FKBP10: variants seen among roughly 807,000 people sequenced by gnomAD.
FKBP10 encodes peptidyl-prolyl cis-trans isomerase FKBP10.
A neutral mutation model predicts 53.7 loss-of-function variants in FKBP10; 34 were observed. The observed-to-expected ratio is 0.63, with a 90% CI of 0.48 to 0.84. The LOEUF (loss-of-function observed/expected upper bound fraction) is 0.84. Among genes scored for constraint, FKBP10 ranks in the 40% least tolerant of loss-of-function variants. FKBP10 has a pLI of 0.00. For missense variants in FKBP10, 748 were observed against 797.8 expected (o/e 0.94, Z 0.75); for synonymous variants, 324 against 335.7 (o/e 0.97, Z 0.38).
In FKBP10 at chr17:41,813,077, C is replaced by T; in HGVS notation, c.43C>T (p.Pro15Ser). 6.2e-7 allele frequency: 1 copy of T among 1,610,718 alleles called. No individual in the cohort carries two copies. The highest frequency in any genetic ancestry group is 1.1e-5 in the South Asian group (1 of 91,010). The part of the protein sequence containing the change: ...GPPSHSLLRL[P>S]LLQLLLLVVQ... ...CCCCAGCCACAGCCTCCTCCGGCTC[C>T]CCCTGCTGCAGTTGCTGCTACTGGT... The change falls in exon 1 of 10, where the codon CCC becomes TCC. Residue 15 changes from proline to serine, a missense_variant. Coordinates refer to ENST00000321562, the MANE Select transcript of FKBP10 (RefSeq NM_021939.4).
chr17:41,813,099 T>G lies in FKBP10; in HGVS notation c.65T>G (p.Leu22Arg). 1 of 1,611,064 alleles carries G rather than the reference T, an allele frequency of 6.2e-7. No individual in the cohort carries two copies. Among genetic ancestry groups the G allele is most frequent in the East Asian group, 2.2e-5 (1 of 44,858 alleles). The change falls in exon 1 of 10, where the codon CTG (leucine) becomes CGG (arginine). Residue 22 changes from leucine to arginine, a missense_variant. Transcript: ENST00000321562. ...LRLPLLQLLLLVVQAVGRGLG... is the reference protein window; with the variant it reads ...LRLPLLQLLLRVVQAVGRGLG... The stretch of plus-strand genomic sequence containing the variant: ...CTCCCCCTGCTGCAGTTGCTGCTAC[T>G]GGTGGTGCAGGCCGTGGGGAGGGGG...
intron 1 of FKBP10, among the ~76,000 whole-genome samples, chr17:41,816,801 C>A (rs1234717738): frequency 6.6e-6 from 1 of 152,224 alleles, no homozygotes; most frequent in Non-Finnish European, 1.5e-5. Context: ...CACCCAACCC[C>A]GTCCCAGGGC....
At chr17:41,815,521 AG>A (rs762185983) in intron 1 of FKBP10, among the ~76,000 whole-genome samples, 1 of 150,544 alleles carries the variant, frequency 6.6e-6, no homozygotes, top group Non-Finnish European at 1.5e-5. Flanking sequence ...GCTGGAGTGC[AG>A]TAGCGCGATC....
At chr17:41,816,750 TGCTGTCA>T (rs1265319005) in intron 1 of FKBP10, among the ~76,000 whole-genome samples, 1 of 152,202 alleles carries the variant, frequency 6.6e-6, no homozygotes, top group Non-Finnish European at 1.5e-5. Context: ...ACTCCCCACT[TGCTGTCA>T]GCAAATAGTA....
chr17:41,815,124 G>T (rs966082780), intron 1 of FKBP10, among the ~76,000 whole-genome samples: 7 of 152,004 alleles, frequency 4.6e-5, no homozygotes, highest in African/African-American at 1.4e-4. Context: ...TCACTATGTT[G>T]GCCAGACTGG....
At chr17:41,815,906 C>T (rs2047809782) in intron 1 of FKBP10, among the ~76,000 whole-genome samples, 1 of 151,654 alleles carries the variant, frequency 6.6e-6, no homozygotes, top group African/African-American at 2.4e-5. Context: ...TTGGGAGGCC[C>T]AGGCAGGCAG....
intron 5 of FKBP10, 50 bp from the exon 6 acceptor site, chr17:41,819,480 G>T (rs908558817): frequency 6.8e-6 from 11 of 1,613,980 alleles, no homozygotes; most frequent in Non-Finnish European, 9.3e-6. Flanking sequence ...CTGCCTGGAA[G>T]GGGAGGGCCC....
intron 1 of FKBP10, 99 bp downstream of exon 1, chr17:41,813,378 T>G: frequency 6.5e-7 from 1 of 1,528,252 alleles, no homozygotes; most frequent in Non-Finnish European, 9.0e-7. Flanking sequence ...CCCAATACTC[T>G]AACCCTAGAC....
chr17:41,819,977 C>G (rs1555616756), intron 6 of FKBP10: 4 of 1,525,352 alleles, frequency 2.6e-6, no homozygotes, highest in African/African-American at 2.8e-5. Context: ...TGCTGGGAGC[C>G]TCAGTGTCCT....
At chr17:41,821,624 C>T (rs2047892145) in intron 8 of FKBP10, 30 bp from the exon 9 acceptor site, 2 of 1,612,564 alleles carry the variant, frequency 1.2e-6, no homozygotes, top group African/African-American at 2.7e-5. Context: ...CTGACTAGGA[C>T]CCCTCCCTTC....
chr17:41,821,959 T>C, intron 9 of FKBP10, 142 bp downstream of exon 9: 1 of 1,075,748 alleles, frequency 9.3e-7, no homozygotes, highest in Non-Finnish European at 1.4e-6. Flanking sequence ...TCAGGCTCCT[T>C]GTCCCTGCTT....
At chr17:41,818,641 G>A in intron 4 of FKBP10, 114 bp downstream of exon 4, 1 of 1,410,894 alleles carries the variant, frequency 7.1e-7, no homozygotes, top group Non-Finnish European at 9.8e-7. Flanking sequence ...AAGGACTCAA[G>A]GTGGGATGAA....
In FKBP10 at chr17:41,819,302, G is replaced by A. The variant is rs1688953937; in HGVS notation, c.820G>A (p.Glu274Lys). ...GGACGCTGTCCAGCTAGAGACGCTGGAGCTCCCCCCCGGCTGTGTCCGCAG... is the reference window on the plus strand; with the variant it reads ...GGACGCTGTCCAGCTAGAGACGCTGAAGCTCCCCCCCGGCTGTGTCCGCAG... ...PKDAVQLETL[E>K]LPPGCVRRAG... Residue 274 changes from glutamate (E) to lysine (K), a missense_variant, in exon 5 of 10, where the codon GAG becomes AAG. By Grantham distance (56) the Glu-to-Lys change is moderately conservative (BLOSUM62 1). Transcript: ENST00000321562. 6.8e-6 allele frequency: 11 copies of A among 1,614,036 alleles called. No homozygotes were observed. In the Middle Eastern group the frequency reaches 4.9e-4, roughly 72 times the overall value.
At position 41,822,935 on chromosome 17, in the gene FKBP10, C is replaced by T. The variant is rs546057994; in HGVS notation, c.*527C>T. The T allele has an allele frequency of 1.3e-4, 25 of 191,756 alleles. No homozygotes were observed. In the East Asian group the frequency reaches 1.8e-3, roughly 13 times the overall value. The allele number at this position is 191,756 out of a possible 1,614,324, so 11.9% of individuals were successfully genotyped here. On this transcript the variant is annotated 3_prime_UTR_variant, in exon 10 of 10. Transcript: ENST00000321562. The stretch of plus-strand genomic sequence containing the variant: ...TCCCATGCCCTTTGCCCTCCTCCCT[C>T]GCCTCCAGTGGAGGCTGAGCTGACC...
At chr17:41,820,812 C>T (rs1204419379) in intron 7 of FKBP10, 135 bp from the exon 8 acceptor site, 9 of 1,277,554 alleles carry the variant, frequency 7.0e-6, no homozygotes, top group Non-Finnish European at 8.6e-6. Context: ...CCCCTGCACT[C>T]TGCTGCGTGG....
Position 41,820,460 on chromosome 17 carries a change from T to C in FKBP10, c.1255T>C (p.Ser419Pro). ...GCTGGACGGCACCCAGCTGTTCACC[T>C]CGTGGGTCCGGGGGGGGGCCGGGAC... ...SLLDGTQLFT[S>P]HDYGAPQEAT... The change falls in exon 7 of 10, where the codon TCG (serine) becomes CCG (proline). Residue 419 changes from serine to proline, a missense_variant and splice_region_variant. Physicochemically the swap from Ser to Pro is moderately conservative, Grantham distance 74 (BLOSUM62 -1). Coordinates refer to ENST00000321562, the MANE Select transcript of FKBP10 (RefSeq NM_021939.4). 6.3e-7 allele frequency: 1 copy of C among 1,591,666 alleles called. No individual in the cohort carries two copies. The highest frequency in any genetic ancestry group is 8.6e-7 in the Non-Finnish European group (1 of 1,164,350).
In FKBP10 at chr17:41,819,574, A is replaced by G. The variant is rs1567855281; in HGVS notation, c.962A>G (p.Tyr321Cys). 1.2e-6 allele frequency: 2 copies of G among 1,614,140 alleles called. No homozygotes were observed. The highest frequency in any genetic ancestry group is 2.2e-5 in the South Asian group (2 of 91,076). ...HTYNTYIGQG[Y>C]IIPGMDQGLQ... ...TACAATACCTATATCGGGCAGGGTT[A>G]CATCATCCCCGGGATGGACCAGGGG... The change falls in exon 6 of 10, where the codon TAC becomes TGC. Residue 321 changes from tyrosine to cysteine, a missense_variant. Transcript: ENST00000321562.
chr17:41,818,089 C>A lies in FKBP10; in HGVS notation c.392C>A (p.Ala131Glu). 6.2e-7 allele frequency: 1 copy of A among 1,605,176 alleles called. No homozygotes were observed. Among genetic ancestry groups the A allele is most frequent in the South Asian group, 1.1e-5 (1 of 89,850 alleles). Residue 131 changes from alanine (A) to glutamate (E), a missense_variant and splice_region_variant, in exon 3 of 10, where the codon GCG (alanine) becomes GAG (glutamate). By Grantham distance (107) the Ala-to-Glu change is moderately radical (BLOSUM62 -1). Transcript: ENST00000321562. ...PHLGYGSIGL[A>E]GLIPPDATLY... ...CCTCCACGCTGCTGCGCTCTCACAGCGGGGCTCATTCCACCGGATGCCACC... is the reference window on the plus strand; with the variant it reads ...CCTCCACGCTGCTGCGCTCTCACAGAGGGGCTCATTCCACCGGATGCCACC...
At chr17:41,818,615 A>C in intron 4 of FKBP10, 88 bp downstream of exon 4, 2 of 1,539,996 alleles carry the variant, frequency 1.3e-6, no homozygotes, top group Non-Finnish European at 1.8e-6. Context: ...TGTATACTGC[A>C]CGAGGGCATC....
Sources: gnomAD v4.1 joint callset for allele counts (sites outside exome capture counted in the v4.1 genomes callset) on GRCh38, gnomAD v4.1.1 for gene constraint, MANE v1.5 for transcripts, NCBI Gene and HGNC (gene_info 2026-07-23, HGNC 2026-07-21) for gene names.